SGCD: variants seen among roughly 807,000 people sequenced by gnomAD.
SGCD encodes sarcoglycan delta.
A neutral mutation model predicts 36.6 loss-of-function variants in SGCD; 18 were observed. That is an observed-to-expected ratio of 0.49 (90% confidence interval 0.34 to 0.73). SGCD has a LOEUF of 0.73. Among genes scored for constraint, SGCD ranks in the 30% least tolerant of loss-of-function variants. The probability of loss-of-function intolerance (pLI) is 0.01; values close to 1 mark genes in which losing one functional copy is unlikely to be tolerated. For missense variants in SGCD, 387 were observed against 346.7 expected, an observed-to-expected ratio of 1.12 and a Z score of -0.92; for synonymous variants, 133 against 130.6, an observed-to-expected ratio of 1.02 and a Z score of -0.12.
At chr5:155,819,442 C>G in the SGCD span, among the ~76,000 whole-genome samples, 25 of 151,932 alleles carry the variant, frequency 1.6e-4, no homozygotes, top group Admixed American at 4.6e-4. Flanking sequence ...TGAAAAGTGA[C>G]GATTGAAAAG....
chr5:156,572,413 ATT>A (rs1759760142), intron 4 of SGCD, among the ~76,000 whole-genome samples: 1 of 151,870 alleles, frequency 6.6e-6, no homozygotes, highest in South Asian at 2.1e-4. Flanking sequence ...AATATATGTT[ATT>A]TTCTGTTTTT....
intron 3 of SGCD, among the ~76,000 whole-genome samples, chr5:156,241,769 T>C (rs575431563): frequency 1.9e-4 from 29 of 152,352 alleles, no homozygotes; most frequent in Non-Finnish European, 3.7e-4. Context: ...CCAATCACTA[T>C]GCTAGTAGGT....
At chr5:156,724,674 T>C (rs1247443621) in intron 7 of SGCD, among the ~76,000 whole-genome samples, 2 of 152,126 alleles carry the variant, frequency 1.3e-5, no homozygotes, top group Non-Finnish European at 2.9e-5. Context: ...AAAGACTTAT[T>C]ATGGTGGTTG....
intron 3 of SGCD, among the ~76,000 whole-genome samples, chr5:156,352,965 T>A (rs1769330274): frequency 6.6e-6 from 1 of 152,200 alleles, no homozygotes; most frequent in South Asian, 2.1e-4. Context: ...CAGTGCAATG[T>A]CTAAAACATG....
At chr5:156,488,592 C>T (rs1372896593) in intron 3 of SGCD, among the ~76,000 whole-genome samples, 3 of 152,054 alleles carry the variant, frequency 2.0e-5, no homozygotes, top group Non-Finnish European at 2.9e-5. Context: ...AAATATTTCT[C>T]AGAAAAGCAA....
chr5:156,300,758 G>A (rs1767032925), intron 3 of SGCD, among the ~76,000 whole-genome samples: 1 of 151,942 alleles, frequency 6.6e-6, no homozygotes, highest in Admixed American at 6.6e-5. Context: ...TGTCTCTTTA[G>A]TTCTAATATT....
At chr5:156,699,963 T>C (rs1338177701) in intron 7 of SGCD, among the ~76,000 whole-genome samples, 1 of 151,610 alleles carries the variant, frequency 6.6e-6, no homozygotes, top group African/African-American at 2.4e-5. Flanking sequence ...TGGGGGAAAG[T>C]GTTTAGTGGG....
At chr5:156,223,744 G>A (rs1764779744) in intron 3 of SGCD, among the ~76,000 whole-genome samples, 1 of 152,064 alleles carries the variant, frequency 6.6e-6, no homozygotes, top group African/African-American at 2.4e-5. Context: ...AATGCAGAGG[G>A]GGGATAGAAG....
chr5:156,589,134 G>A (rs1343753353), intron 4 of SGCD, 97 bp from the exon 5 acceptor site: 2 of 846,344 alleles, frequency 2.4e-6, no homozygotes, highest in Non-Finnish European at 3.8e-6. Context: ...TTGGAACTTG[G>A]CTAAAGCCAT....
At chr5:156,387,227 A>G (rs1771322939) in intron 3 of SGCD, among the ~76,000 whole-genome samples, 1 of 152,184 alleles carries the variant, frequency 6.6e-6, no homozygotes, top group Non-Finnish European at 1.5e-5. Flanking sequence ...TGTTTGAAAG[A>G]GCATGCTATG....
intron 1 of SGCD, among the ~76,000 whole-genome samples, chr5:156,010,484 C>T (rs1306193764): frequency 6.6e-6 from 1 of 152,184 alleles, no homozygotes; most frequent in Non-Finnish European, 1.5e-5. Context: ...ACTCAATGCA[C>T]AATCAAATGC....
chr5:156,032,599 T>C (rs969632210), intron 1 of SGCD, among the ~76,000 whole-genome samples: 3 of 149,384 alleles, frequency 2.0e-5, no homozygotes, highest in African/African-American at 7.5e-5. Context: ...GCGCCGGTAT[T>C]CTCAGCTACT....
intron 3 of SGCD, among the ~76,000 whole-genome samples, chr5:156,270,653 T>C (rs1008175806): frequency 2.0e-5 from 3 of 152,140 alleles, no homozygotes; most frequent in African/African-American, 2.4e-5. Context: ...TAGATAAGAC[T>C]TAAGACTCTA....
At chr5:156,213,108 T>G (rs1764487270) in intron 3 of SGCD, among the ~76,000 whole-genome samples, 1 of 151,848 alleles carries the variant, frequency 6.6e-6, no homozygotes, top group South Asian at 2.1e-4. Flanking sequence ...AAATAAGAAT[T>G]AACTAAGCTT....
intron 4 of SGCD, among the ~76,000 whole-genome samples, chr5:156,542,187 G>A (rs1456913329): frequency 1.3e-5 from 2 of 152,156 alleles, no homozygotes; most frequent in Non-Finnish European, 2.9e-5. Context: ...GGTTTAGAAA[G>A]AGTAAGACAA....
chr5:156,468,997 A>G (rs1471890976), intron 3 of SGCD, among the ~76,000 whole-genome samples: 1 of 152,134 alleles, frequency 6.6e-6, no homozygotes, highest in Non-Finnish European at 1.5e-5. Context: ...GTCTCAAAAA[A>G]TAATAATAAT....
At chr5:156,423,225 TA>T (rs1773439932) in intron 3 of SGCD, among the ~76,000 whole-genome samples, 5 of 97,714 alleles carry the variant, frequency 5.1e-5, no homozygotes, top group Non-Finnish European at 1.9e-5. Flanking sequence ...TAATATAATA[TA>T]TTGTATTATA....
intron 4 of SGCD, among the ~76,000 whole-genome samples, chr5:156,533,107 G>A (rs775618473): frequency 1.3e-5 from 2 of 152,128 alleles, no homozygotes; most frequent in Non-Finnish European, 2.9e-5. Flanking sequence ...CATGCAGGAC[G>A]CTTGCCAGTT....
chr5:155,892,079 G>A (rs1334772734), intron 1 of SGCD, among the ~76,000 whole-genome samples: 2 of 152,120 alleles, frequency 1.3e-5, no homozygotes, highest in African/African-American at 2.4e-5. Flanking sequence ...GAGTTATTTG[G>A]ATGAATAAAT....
Sources: gnomAD v4.1 joint callset for allele counts (sites outside exome capture counted in the v4.1 genomes callset) on GRCh38, gnomAD v4.1.1 for gene constraint, MANE v1.5 for transcripts, NCBI Gene and HGNC (gene_info 2026-07-23, HGNC 2026-07-21) for gene names.